The following PTPRS variants were observed in gnomAD, a reference collection of about 807,000 sequenced individuals.
PTPRS encodes receptor-type tyrosine-protein phosphatase S.
A neutral mutation model predicts 215.3 loss-of-function variants in PTPRS; 63 were observed. The ratio of observed to expected loss-of-function variants is 0.29; its 90% CI spans 0.24 to 0.36. The LOEUF (loss-of-function observed/expected upper bound fraction) is 0.36. Among genes scored for constraint, PTPRS ranks in the 10% least tolerant of loss-of-function variants. PTPRS has a pLI of 1.00. For missense variants in PTPRS, 2,258 were observed against 2,825.8 expected (o/e 0.80, Z 4.56); for synonymous variants, 1,404 against 1,191.4 (o/e 1.18, Z -3.68).
chr19:5,315,875 CCCACCT>C (rs1213544047), intron 1 of PTPRS, among the ~76,000 whole-genome samples: 4 of 151,922 alleles, frequency 2.6e-5, no homozygotes, highest in African/African-American at 9.7e-5. Flanking sequence ...AAGCGATCCT[CCCACCT>C]CAGCCTCCTG....
At chr19:5,250,757 C>G (rs957981304) in intron 9 of PTPRS, among the ~76,000 whole-genome samples, 1 of 151,000 alleles carries the variant, frequency 6.6e-6, no homozygotes, top group Non-Finnish European at 1.5e-5. Context: ...AGGAGACGAC[C>G]CCTCCCCCAG....
At chr19:5,313,253 C>A (rs2049766371) in intron 1 of PTPRS, among the ~76,000 whole-genome samples, 1 of 152,164 alleles carries the variant, frequency 6.6e-6, no homozygotes, top group African/African-American at 2.4e-5. Flanking sequence ...CGCTGACAGC[C>A]TACGCCTGAT....
intron 10 of PTPRS, among the ~76,000 whole-genome samples, chr19:5,245,270 G>A (rs1258374803): frequency 6.6e-6 from 1 of 151,860 alleles, no homozygotes; most frequent in East Asian, 1.9e-4. Flanking sequence ...GATTACAGGC[G>A]TGAGCCACCG....
At chr19:5,248,998 A>AG (rs1408388439) in intron 9 of PTPRS, among the ~76,000 whole-genome samples, 2 of 152,200 alleles carry the variant, frequency 1.3e-5, no homozygotes, top group African/African-American at 4.8e-5. Flanking sequence ...ACCTTAAGGG[A>AG]GTTCAGGGAT....
rs925718207 is a variant in PTPRS, at chr19:5,329,757, T to G, written c.-95+10907A>C. On this transcript the variant is annotated intron_variant, in intron 1 of 37. Coordinates refer to ENST00000262963, the MANE Select transcript of PTPRS (RefSeq NM_002850.4). Reference sequence around the variant, plus strand: ...TCCAGCCTGGGCAACAGAGCAACACTCCATCTCCTAAAAAAAAAAAAAAAT... The same window carrying G: ...TCCAGCCTGGGCAACAGAGCAACACGCCATCTCCTAAAAAAAAAAAAAAAT... Among the ~76,000 whole-genome samples, 24 of 138,024 alleles carry G rather than the reference T, an allele frequency of 1.7e-4. 1 individual carries two copies. The highest frequency in any genetic ancestry group is 3.2e-4 in the Non-Finnish European group (21 of 64,912). 90.5% of individuals were successfully genotyped at this position (138,024 alleles called of 152,430 possible).
Position 5,212,169 on chromosome 19 carries a change from G to C in PTPRS, c.4851C>G (p.Val1617=), listed in dbSNP as rs773077539. ...ERIKPEKTVD[V]YGHVTLMRSQ... ...ACCTCATGAGCGTCACGTGGCCATA[G>C]ACATCGACTGTCTTCTCTGGCTTGA... Residue 1617 remains valine, a synonymous_variant, in exon 32 of 38, where the codon GTC becomes GTG. Transcript: ENST00000262963. The C allele has an allele frequency of 1.6e-5, 26 of 1,613,950 alleles. No individual in the cohort carries two copies. The Admixed American group carries it at 4.0e-4, about 25-fold the overall frequency.
chr19:5,244,814 C>T lies in PTPRS; in HGVS notation c.989-332G>A, dbSNP rs1041939944. Among the ~76,000 whole-genome samples, 6 of 141,922 alleles carry T rather than the reference C, an allele frequency of 4.2e-5. No individual in the cohort carries two copies. The highest frequency in any genetic ancestry group is 6.1e-5 in the Non-Finnish European group (4 of 65,138). 93.1% of individuals were successfully genotyped at this position (141,922 alleles called of 152,430 possible). ...CCTCCCGAGTAGCTGGGACGACAGG[C>T]GCCTGCCACCACACTCAGCTAATTT... On this transcript the variant is annotated intron_variant, in intron 10 of 37. Transcript: ENST00000262963. This position sits in a 1 kb window ranked among gnomAD's most constrained non-coding sequence, Gnocchi z 7.2.
At chr19:5,219,504 C>T in intron 22 of PTPRS, 37 bp from the exon 23 acceptor site, 1 of 1,531,998 alleles carries the variant, frequency 6.5e-7, no homozygotes, top group Non-Finnish European at 8.7e-7. Flanking sequence ...TCAGTGTCCA[C>T]CCTCCTTGTA....
chr19:5,289,229 G>A (rs2048612933), intron 1 of PTPRS, among the ~76,000 whole-genome samples: 1 of 152,084 alleles, frequency 6.6e-6, no homozygotes, highest in Non-Finnish European at 1.5e-5. Context: ...GAGGTCCTCT[G>A]CGAGGATTTG....
At chr19:5,215,845 AGGG>A (rs2041388980) in intron 26 of PTPRS, among the ~76,000 whole-genome samples, 1 of 152,094 alleles carries the variant, frequency 6.6e-6, no homozygotes, top group Non-Finnish European at 1.5e-5. Context: ...ACACCCCTGG[AGGG>A]GCCTGGATCA....
intron 13 of PTPRS, among the ~76,000 whole-genome samples, chr19:5,238,350 A>C (rs1198584760): frequency 6.6e-6 from 1 of 152,060 alleles, no homozygotes; most frequent in Non-Finnish European, 1.5e-5. Flanking sequence ...GCCCCCACGA[A>C]ACCTGGCCTC....
chr19:5,229,533 G>A lies in PTPRS; in HGVS notation c.2307C>T (p.Arg769=), dbSNP rs1334459086. ...TGACGTCCTTGATGCGCGGCGGCCC[G>A]CGGGCCTCGGCGCCCTCCATGCGCA... ...HYVRMEGAEA[R]GPPRIKDVML... The change falls in exon 15 of 38, where the codon CGC becomes CGT. Residue 769 remains arginine, a synonymous_variant. Transcript: ENST00000262963. The A allele has an allele frequency of 2.0e-6, 3 of 1,463,710 alleles. No homozygotes were observed. The highest frequency in any genetic ancestry group is 2.7e-6 in the Non-Finnish European group (3 of 1,110,178). 90.7% of individuals were successfully genotyped at this position (1,463,710 alleles called of 1,614,324 possible). A position where few individuals can be genotyped will look rare whatever the true frequency, so the allele number is the denominator to read the frequency against.
intron 11 of PTPRS, among the ~76,000 whole-genome samples, chr19:5,243,483 T>G (rs2044221102): frequency 6.6e-6 from 1 of 152,006 alleles, no homozygotes; most frequent in African/African-American, 2.4e-5. Context: ...ACATATATTT[T>G]TTAATTGTTT....
intron 1 of PTPRS, among the ~76,000 whole-genome samples, chr19:5,335,182 C>T (rs552033748): frequency 3.3e-5 from 5 of 152,330 alleles, no homozygotes; most frequent in Non-Finnish European, 4.4e-5. Context: ...ATGGCTTCTC[C>T]GCCCGCCGGA....
intron 4 of PTPRS, 105 bp from the exon 5 acceptor site, chr19:5,265,301 T>C (rs2046319599): frequency 1.9e-6 from 2 of 1,075,418 alleles, no homozygotes; most frequent in South Asian, 1.6e-5. Flanking sequence ...AGCTCCTCCC[T>C]GGCTGCGTGA....
chr19:5,276,750 G>T (rs960375177), intron 2 of PTPRS, among the ~76,000 whole-genome samples: 3 of 151,722 alleles, frequency 2.0e-5, no homozygotes, highest in Non-Finnish European at 4.4e-5. Flanking sequence ...CACCGTGTTA[G>T]CCAGGATGGT....
At chr19:5,306,148 ATT>A (rs71172709) in intron 1 of PTPRS, among the ~76,000 whole-genome samples, 1 of 140,732 alleles carries the variant, frequency 7.1e-6, no homozygotes, top group Non-Finnish European at 1.5e-5. Flanking sequence ...ATACAGGGTG[ATT>A]TTTTTTTTTT....
intron 5 of PTPRS, among the ~76,000 whole-genome samples, 183 bp from the exon 6 acceptor site, chr19:5,263,155 G>T (rs1482593484): frequency 6.6e-6 from 1 of 152,072 alleles, no homozygotes; most frequent in East Asian, 1.9e-4. Flanking sequence ...CCTAGCAGGC[G>T]CTAGACATTC....
rs149030212 is a variant in PTPRS at position 5,314,152 on chromosome 19, G to T, written c.-95+26512C>A. Reference sequence around the variant, plus strand: ...GATCCTGTCTCTATCAATCAATCGAGACCACAGCTTCAGCTGAGTTCAGTG... The same window carrying T: ...GATCCTGTCTCTATCAATCAATCGATACCACAGCTTCAGCTGAGTTCAGTG... On this transcript the variant is annotated intron_variant, in intron 1 of 37. Transcript: ENST00000262963. Among the ~76,000 whole-genome samples the T allele has an allele frequency of 5.9e-3, 894 of 152,092 alleles. 11 individuals carry two copies. Among genetic ancestry groups the T allele is most frequent in the African/African-American group, 0.021 (872 of 41,508 alleles).
Sources: gnomAD v4.1 joint callset for allele counts (sites outside exome capture counted in the v4.1 genomes callset) on GRCh38, gnomAD v4.1.1 for gene constraint, Gnocchi (gnomAD v3.1) non-coding constraint, MANE v1.5 for transcripts, NCBI Gene and HGNC (gene_info 2026-07-23, HGNC 2026-07-21) for gene names.